The following CCDC141 variants were observed in gnomAD, a reference collection of about 807,000 sequenced individuals.
CCDC141 encodes the protein coiled-coil domain-containing protein 141.
Under a neutral mutation model 181.0 loss-of-function variants are expected in CCDC141, and 168 were observed. The observed-to-expected ratio is 0.93, with a 90% CI of 0.82 to 1.05. The LOEUF is 1.05. Ranked by LOEUF, CCDC141 falls within the 50% of genes least tolerant of loss-of-function variation. The pLI is 0.00. For synonymous variants in CCDC141, 666 were observed against 642.3 expected, an observed-to-expected ratio of 1.04 and a Z score of -0.56; for missense variants, 1,902 against 1,788.5, an observed-to-expected ratio of 1.06 and a Z score of -1.14.
intron 2 of CCDC141, among the ~76,000 whole-genome samples, chr2:179,000,548 C>T (rs753384554): frequency 5.3e-5 from 8 of 152,104 alleles, no homozygotes; most frequent in Non-Finnish European, 1.0e-4. Flanking sequence ...CCTTTGTTTT[C>T]AATACTTTGT....
At chr2:178,971,100 C>T (rs905876682) in intron 4 of CCDC141, among the ~76,000 whole-genome samples, 6 of 152,076 alleles carry the variant, frequency 3.9e-5, no homozygotes, top group East Asian at 3.9e-4. Context: ...CCCAGCTACT[C>T]GGGAGGCTGA....
intron 2 of CCDC141, among the ~76,000 whole-genome samples, chr2:179,031,148 G>T (rs1210380913): frequency 6.6e-6 from 1 of 151,350 alleles, no homozygotes; most frequent in Non-Finnish European, 1.5e-5. Context: ...GATGCTAAGA[G>T]ATAATATTTA....
At chr2:179,040,716 A>T (rs960619180) in intron 2 of CCDC141, among the ~76,000 whole-genome samples, 50 of 152,222 alleles carry the variant, frequency 3.3e-4, no homozygotes, top group African/African-American at 1.2e-3. Flanking sequence ...ACATGATCTC[A>T]TTCCTGTTTA....
intron 21 of CCDC141, among the ~76,000 whole-genome samples, chr2:178,847,095 T>A (rs1684972389): frequency 6.6e-6 from 1 of 152,220 alleles, no homozygotes; most frequent in South Asian, 2.1e-4. Flanking sequence ...GATGCCTATT[T>A]CTCTTGCCAG....
At position 178,856,318 on chromosome 2, in the gene CCDC141, C is replaced by T. The variant is rs142773032; in HGVS notation, c.2804G>A (p.Arg935Gln). ...FNYTKKNEKS[R>Q]NLKALKYQIQ... ...TTGATATTTAAGCGCCTTCAGATTC[C>T]GAGATTTTTCATTTTTCTTAGTGTA... Residue 935 changes from arginine to glutamine, a missense_variant, in exon 18 of 24, where the codon CGG (arginine) becomes CAG (glutamine). Physicochemically the swap from Arg to Gln is conservative, Grantham distance 43. Transcript: ENST00000443758. 9.3e-5 allele frequency: 149 copies of T among 1,609,994 alleles called. No individual in the cohort carries two copies. The highest frequency in any genetic ancestry group is 2.4e-4 in the South Asian group (22 of 90,360).
rs1475566296 is a variant in CCDC141, at chr2:178,831,558, A to G, written c.*2615T>C. ...GTAAATGGTTATAAATTATGTATATACCTTAAAATAGAAACAACACTTAAA... is the reference window on the plus strand; with the variant it reads ...GTAAATGGTTATAAATTATGTATATGCCTTAAAATAGAAACAACACTTAAA... On this transcript the variant is annotated 3_prime_UTR_variant, in exon 24 of 24. Coordinates refer to ENST00000443758, the MANE Select transcript of CCDC141 (RefSeq NM_173648.4). 6.6e-6 allele frequency: 1 copy of G among 152,196 alleles called. No homozygotes were observed. Among genetic ancestry groups the G allele is most frequent in the Non-Finnish European group, 1.5e-5 (1 of 68,048 alleles). 9.4% of individuals were successfully genotyped at this position (152,196 alleles called of 1,614,324 possible). A position where few individuals can be genotyped will look rare whatever the true frequency, so the allele number is the denominator to read the frequency against.
intron 2 of CCDC141, among the ~76,000 whole-genome samples, chr2:178,988,947 A>G (rs532153979): frequency 4.1e-4 from 63 of 152,332 alleles, no homozygotes; most frequent in Admixed American, 1.4e-3. Context: ...CTAGATATTC[A>G]CATGTAAAAG....
intron 2 of CCDC141, among the ~76,000 whole-genome samples, chr2:179,045,006 T>C (rs1168373691): frequency 6.6e-6 from 1 of 151,862 alleles, no homozygotes; most frequent in Non-Finnish European, 1.5e-5. Context: ...TTATTTCATA[T>C]TTCATTTCTT....
intron 2 of CCDC141, among the ~76,000 whole-genome samples, chr2:179,031,025 G>A (rs1159736338): frequency 6.6e-6 from 1 of 152,004 alleles, no homozygotes; most frequent in Non-Finnish European, 1.5e-5. Context: ...AGGGCCACTA[G>A]CCACCTGAAA....
At chr2:178,906,893 T>A (rs762988301) in intron 7 of CCDC141, among the ~76,000 whole-genome samples, 8 of 152,096 alleles carry the variant, frequency 5.3e-5, no homozygotes, top group African/African-American at 9.7e-5. Context: ...CTGTGCCTGC[T>A]GCCATCTCAG....
intron 2 of CCDC141, among the ~76,000 whole-genome samples, chr2:178,992,850 A>G (rs1692118909): frequency 6.6e-6 from 1 of 152,218 alleles, no homozygotes; most frequent in Middle Eastern, 3.4e-3. Flanking sequence ...ATAGTGAGAG[A>G]GTTCTCACAA....
At chr2:178,991,115 T>C (rs900948021) in intron 2 of CCDC141, among the ~76,000 whole-genome samples, 3 of 152,202 alleles carry the variant, frequency 2.0e-5, no homozygotes, top group Admixed American at 2.0e-4. Context: ...TGCCCACGAC[T>C]GTCACTTGCT....
At chr2:178,897,110 T>G (rs567903219) in intron 8 of CCDC141, among the ~76,000 whole-genome samples, 1 of 152,272 alleles carries the variant, frequency 6.6e-6, no homozygotes, top group African/African-American at 2.4e-5. Flanking sequence ...ATGTCTAAAA[T>G]GATCTCCTGC....
At chr2:178,881,026 C>T (rs982276925) in intron 11 of CCDC141, among the ~76,000 whole-genome samples, 1 of 152,044 alleles carries the variant, frequency 6.6e-6, no homozygotes, top group Admixed American at 6.6e-5. Flanking sequence ...GTGAAGAAAC[C>T]ATAGGTAGGA....
At chr2:178,983,133 G>A (rs986236065) in intron 2 of CCDC141, among the ~76,000 whole-genome samples, 4 of 152,178 alleles carry the variant, frequency 2.6e-5, no homozygotes, top group South Asian at 2.1e-4. Flanking sequence ...CTGGCAGACC[G>A]CCTCCTCAAG....
At chr2:178,985,948 T>C (rs1430612191) in intron 2 of CCDC141, among the ~76,000 whole-genome samples, 1 of 152,150 alleles carries the variant, frequency 6.6e-6, no homozygotes, top group Non-Finnish European at 1.5e-5. Flanking sequence ...AAAGAGGGAA[T>C]CCACCCTAAC....
At chr2:179,003,922 TTCTC>T (rs1240011236) in intron 2 of CCDC141, among the ~76,000 whole-genome samples, 1 of 152,196 alleles carries the variant, frequency 6.6e-6, no homozygotes, top group African/African-American at 2.4e-5. Context: ...TTCATACTCA[TTCTC>T]TATGATGAAA....
intron 2 of CCDC141, among the ~76,000 whole-genome samples, chr2:179,024,925 C>T (rs2042791150): frequency 6.6e-6 from 1 of 152,054 alleles, no homozygotes; most frequent in African/African-American, 2.4e-5. Flanking sequence ...AAAAAACATA[C>T]AGGCACTCCA....
At chr2:179,027,299 G>A (rs1017243050) in intron 2 of CCDC141, among the ~76,000 whole-genome samples, 13 of 152,118 alleles carry the variant, frequency 8.5e-5, no homozygotes, top group Non-Finnish European at 8.8e-5. Context: ...GGTCTTTCCT[G>A]CACTGTTCTC....
Sources: allele counts gnomAD v4.1 joint callset (sites outside exome capture counted in the v4.1 genomes callset), GRCh38; gene constraint gnomAD v4.1.1; transcripts MANE v1.5; gene names NCBI Gene and HGNC (gene_info 2026-07-23, HGNC 2026-07-21).